RBM19: variants seen among roughly 807,000 people sequenced by gnomAD.
RBM19 encodes RNA binding motif protein 19.
A neutral mutation model predicts 116.8 loss-of-function variants in RBM19; 94 were observed. The observed-to-expected ratio is 0.80, with a 90% CI of 0.68 to 0.95. The LOEUF (loss-of-function observed/expected upper bound fraction) is 0.95, where lower values mean the gene tolerates loss of function less well. RBM19 is among the 40% of genes least tolerant of loss of function. The pLI is 0.00. For missense variants in RBM19, 1,161 were observed against 1,220.7 expected (o/e 0.95, Z 0.73); for synonymous variants, 475 against 494.1 (o/e 0.96, Z 0.51).
chr12:113,918,564 G>A (rs1031016205), intron 19 of RBM19, 117 bp from the exon 20 acceptor site: 2 of 1,040,364 alleles, frequency 1.9e-6, no homozygotes, highest in African/African-American at 3.2e-5. Context: ...GTTCCCCGGG[G>A]AGTGGGGCTA....
rs749586060 is a variant in RBM19, at chr12:113,823,182, G to C, written c.*42C>G. ...GTGCAGAAGCTGGAGCGGCTGTCCCGGTCCCCAGGGCCCCGGAGCCACACA... is the reference window on the plus strand; with the variant it reads ...GTGCAGAAGCTGGAGCGGCTGTCCCCGTCCCCAGGGCCCCGGAGCCACACA... On this transcript the variant is annotated 3_prime_UTR_variant, in exon 24 of 24. Transcript: ENST00000261741. 3 of 1,546,068 alleles carry C rather than the reference G, an allele frequency of 1.9e-6. No homozygotes were observed. The highest frequency in any genetic ancestry group is 2.6e-6 in the Non-Finnish European group (3 of 1,135,862).
At chr12:113,882,902 G>A (rs867989597) in intron 21 of RBM19, among the ~76,000 whole-genome samples, 2 of 152,366 alleles carry the variant, frequency 1.3e-5, no homozygotes, top group Middle Eastern at 3.4e-3. Context: ...CAAGCCCTGT[G>A]TGGTCACGTT....
chr12:113,835,364 C>T (rs141802659), intron 23 of RBM19, among the ~76,000 whole-genome samples: 74 of 152,292 alleles, frequency 4.9e-4, no homozygotes, highest in African/African-American at 1.3e-3. Flanking sequence ...CTTGTACCCC[C>T]GCAAAGGATA....
chr12:113,909,966 G>A (rs571825117), intron 21 of RBM19, among the ~76,000 whole-genome samples: 9 of 152,228 alleles, frequency 5.9e-5, no homozygotes, highest in African/African-American at 1.2e-4. Context: ...ACTGAGGCCC[G>A]GAGAGCTAAC....
rs1055009639 is a variant in RBM19 at position 113,945,694 on chromosome 12, G to T, written c.1626+134C>A. 74 of 678,492 alleles carry T rather than the reference G, an allele frequency of 1.1e-4. No homozygotes were observed. In the African/African-American group the frequency reaches 1.3e-3, roughly 11 times the overall value. The allele number at this position is 678,492 out of a possible 1,614,324, so 42.0% of individuals were successfully genotyped here. On this transcript the variant is annotated intron_variant, in intron 13 of 23. Coordinates refer to ENST00000261741, the MANE Select transcript of RBM19 (RefSeq NM_016196.4). ...TGGGAGAGCACCTTCCATTCCAGAG[G>T]CCTCTGGGAAGGCCCAAGAGGAAAG...
chr12:113,898,403 A>T lies in RBM19; in HGVS notation c.2558+16566T>A, dbSNP rs1881483904. ...CAGACATGATGCCTTTGGACACTAGAGTGTTCAGATCATGTCTCTGCACCT... is the reference window on the plus strand; with the variant it reads ...CAGACATGATGCCTTTGGACACTAGTGTGTTCAGATCATGTCTCTGCACCT... On this transcript the variant is annotated intron_variant, in intron 21 of 23. Transcript: ENST00000261741. This position sits in a 1 kb window ranked among gnomAD's most constrained non-coding sequence, Gnocchi z 4.3. Among the ~76,000 whole-genome samples the T allele has an allele frequency of 6.6e-6, 1 of 152,158 alleles. No homozygotes were observed. Among genetic ancestry groups the T allele is most frequent in the South Asian group, 2.1e-4 (1 of 4,770 alleles).
chr12:113,818,967 C>A (rs137969312), downstream of RBM19, among the ~76,000 whole-genome samples: 516 of 152,350 alleles, frequency 3.4e-3, 7 homozygotes, highest in Non-Finnish European at 4.5e-3. Flanking sequence ...TTGGTGGAGA[C>A]GCCACGTGGG....
At chr12:113,884,112 C>CAA (rs1273858250) in intron 21 of RBM19, among the ~76,000 whole-genome samples, 4 of 72,020 alleles carry the variant, frequency 5.6e-5, no homozygotes, top group African/African-American at 1.6e-4. Context: ...CCATCTCTAC[C>CAA]AAAAAAAAAA....
rs7979406 is a variant in RBM19, at chr12:113,948,918, G to A, written c.1191C>T (p.Asp397=). 7,519 of 1,614,172 alleles carry A rather than the reference G, an allele frequency of 4.7e-3. 317 individuals carry two copies. In the African/African-American group the frequency reaches 0.088, roughly 19 times the overall value. Residue 397 remains aspartate, a synonymous_variant, in exon 10 of 24, where the codon GAC becomes GAT. Transcript: ENST00000261741. ...CAAAGAGCCTTCCGGATTCGGCCAG[G>A]TCCTCCTCCTCTTCGTTCTCCCCGA... is the stretch of plus-strand genomic sequence containing the variant. ...RILGENEEEE[D]LAESGRLFVR... is the part of the protein sequence containing the mutation.
intron 21 of RBM19, among the ~76,000 whole-genome samples, chr12:113,909,422 T>C (rs1027506747): frequency 1.3e-5 from 2 of 152,190 alleles, no homozygotes; most frequent in African/African-American, 4.8e-5. Flanking sequence ...ACCCTGGTGA[T>C]GGCCATGCGG....
rs777920970 is a variant in RBM19, at chr12:113,948,843, G to A, written c.1266C>T (p.Phe422=). Residue 422 remains phenylalanine (F), a synonymous_variant, in exon 10 of 24, where the codon TTC becomes TTT. Coordinates refer to ENST00000261741, the MANE Select transcript of RBM19 (RefSeq NM_016196.4). ...TSTEEDLEKL[F]SKYGPLSELH... ...AGGCCACACCCCTACCATATTTGGAGAAGAGCTTCTCCAGATCCTCCTCGG... is the reference window on the plus strand; with the variant it reads ...AGGCCACACCCCTACCATATTTGGAAAAGAGCTTCTCCAGATCCTCCTCGG... The A allele has an allele frequency of 8.7e-6, 14 of 1,614,200 alleles. No homozygotes were observed. Among genetic ancestry groups the A allele is most frequent in the Admixed American group, 1.7e-5 (1 of 60,026 alleles).
At chr12:113,826,939 AGCC>A (rs1282104939) in intron 23 of RBM19, among the ~76,000 whole-genome samples, 2 of 152,182 alleles carry the variant, frequency 1.3e-5, no homozygotes, top group Non-Finnish European at 2.9e-5. Context: ...ATCATAAGCC[AGCC>A]TCCGTGCTCC....
intron 22 of RBM19, among the ~76,000 whole-genome samples, chr12:113,857,879 T>A (rs1258680311): frequency 6.6e-6 from 1 of 152,250 alleles, no homozygotes; most frequent in Admixed American, 6.5e-5. Flanking sequence ...CCAGGAAATG[T>A]TCACTGTTCT....
intron 21 of RBM19, among the ~76,000 whole-genome samples, chr12:113,906,979 T>C (rs1207290634): frequency 6.6e-6 from 1 of 151,978 alleles, no homozygotes. Flanking sequence ...CACAGCCCCA[T>C]GCCAAGCAAT....
At position 113,947,420 on chromosome 12, in the gene RBM19, T is replaced by A; in HGVS notation, c.1321A>T (p.Lys441Ter). ...GTGATGAATGCAAAACCCTTGGGTT[T>A]CTTGGTCAGGCTGTCGATGGGGTAG... ...LHYPIDSLTK[K>*]PKGFAFITFM... is the part of the protein sequence containing the mutation. The change falls in exon 11 of 24, where the codon AAA (lysine) becomes TAA (stop). Residue 441 changes from lysine (K) to a stop codon, truncating the protein, a stop_gained. Coordinates refer to ENST00000261741, the MANE Select transcript of RBM19 (RefSeq NM_016196.4). LOFTEE classifies it high-confidence loss of function. The A allele has an allele frequency of 6.2e-7, 1 of 1,610,478 alleles. No individual in the cohort carries two copies. The highest frequency in any genetic ancestry group is 8.5e-7 in the Non-Finnish European group (1 of 1,176,984).
chr12:113,865,923 C>T (rs1213917653), intron 21 of RBM19, among the ~76,000 whole-genome samples: 2 of 152,070 alleles, frequency 1.3e-5, no homozygotes, highest in African/African-American at 2.4e-5. Flanking sequence ...TTGGTGGGAA[C>T]GAGAAGACAC....
chr12:113,933,969 T>A (rs911873809), intron 16 of RBM19, among the ~76,000 whole-genome samples: 5 of 152,186 alleles, frequency 3.3e-5, no homozygotes, highest in Non-Finnish European at 5.9e-5. Flanking sequence ...AATTTAATTT[T>A]TGAGATAGGG....
chr12:113,843,719 G>A (rs918365696), intron 23 of RBM19, among the ~76,000 whole-genome samples: 17 of 152,276 alleles, frequency 1.1e-4, no homozygotes, highest in African/African-American at 4.1e-4. Context: ...TGACAGCAAG[G>A]GGCACCTGCC....
chr12:113,908,002 A>G (rs1882183774), intron 21 of RBM19, among the ~76,000 whole-genome samples: 1 of 151,968 alleles, frequency 6.6e-6, no homozygotes, highest in Non-Finnish European at 1.5e-5. Context: ...TTGGGAGGAG[A>G]CGACCTGTGC....
Sources: allele counts gnomAD v4.1 joint callset (sites outside exome capture counted in the v4.1 genomes callset), GRCh38; gene constraint gnomAD v4.1.1; non-coding constraint Gnocchi (gnomAD v3.1); transcripts MANE v1.5; gene names NCBI Gene and HGNC (gene_info 2026-07-23, HGNC 2026-07-21).